LHFPL5: variants seen among roughly 807,000 people sequenced by gnomAD.
LHFPL5 encodes the protein LHFPL tetraspan subfamily member 5.
A neutral mutation model predicts 18.7 loss-of-function variants in LHFPL5; 12 were observed. That is an observed-to-expected ratio of 0.64 (90% CI 0.41 to 1.04). The LOEUF (loss-of-function observed/expected upper bound fraction) is 1.04. Among genes scored for constraint, LHFPL5 ranks in the 50% least tolerant of loss-of-function variants. The pLI, the probability that LHFPL5 is intolerant of heterozygous loss-of-function variation, is 0.00. For missense variants in LHFPL5, 259 were observed against 292.1 expected, an observed-to-expected ratio of 0.89 and a Z score of 0.83; for synonymous variants, 111 against 120.2, an observed-to-expected ratio of 0.92 and a Z score of 0.50.
In LHFPL5 at chr6:35,809,651, A is replaced by G. The variant is rs557944393; in HGVS notation, c.412+3569A>G. ...CCCGAGTAGCTGGGACTACAGGTGCATGCCAGCACACCCAGCCAATTTTTG... is the reference window on the plus strand; with the variant it reads ...CCCGAGTAGCTGGGACTACAGGTGCGTGCCAGCACACCCAGCCAATTTTTG... On this transcript the variant is annotated intron_variant, in intron 1 of 3. Coordinates refer to ENST00000360215, the MANE Select transcript of LHFPL5 (RefSeq NM_182548.4). Among the ~76,000 whole-genome samples, 32 of 152,190 alleles carry G rather than the reference A, an allele frequency of 2.1e-4. 1 individual carries two copies. Among genetic ancestry groups the G allele is most frequent in the African/African-American group, 7.7e-4 (32 of 41,544 alleles).
rs773993522 is a variant in LHFPL5 at position 35,805,996 on chromosome 6, T to C, written c.326T>C (p.Ile109Thr). 6.2e-7 allele frequency: 1 copy of C among 1,614,244 alleles called. No individual in the cohort carries two copies. The highest frequency in any genetic ancestry group is 1.3e-5 in the African/African-American group (1 of 75,076). Reference sequence around the variant, plus strand: ...GTGGCCTTGGGCATGTTCCTCATCATTGGCTCCATCATCTGCTTCAGCCTG... The same window carrying C: ...GTGGCCTTGGGCATGTTCCTCATCACTGGCTCCATCATCTGCTTCAGCCTG... ...FFVALGMFLI[I>T]GSIICFSLFF... Residue 109 changes from isoleucine to threonine, a missense_variant, in exon 1 of 4, where the codon ATT (isoleucine) becomes ACT (threonine). By Grantham distance (89) the Ile-to-Thr change is moderately conservative (BLOSUM62 -1). Coordinates refer to ENST00000360215, the MANE Select transcript of LHFPL5 (RefSeq NM_182548.4). This position sits in a 1 kb window ranked among gnomAD's most constrained non-coding sequence, Gnocchi z 4.3.
intron 2 of LHFPL5, among the ~76,000 whole-genome samples, chr6:35,815,481 G>T (rs1768743212): frequency 6.6e-6 from 1 of 152,054 alleles, no homozygotes; most frequent in African/African-American, 2.4e-5. Context: ...ATTTTTCAGA[G>T]CATAAATTTC....
At chr6:35,812,309 G>A (rs1208293182) in intron 1 of LHFPL5, among the ~76,000 whole-genome samples, 1 of 152,194 alleles carries the variant, frequency 6.6e-6, no homozygotes, top group South Asian at 2.1e-4. Flanking sequence ...GGCCTGAAGA[G>A]GTGCTTTTCT....
intron 1 of LHFPL5, among the ~76,000 whole-genome samples, chr6:35,807,262 A>T (rs3045827): frequency 2.1e-5 from 3 of 140,062 alleles, no homozygotes; most frequent in African/African-American, 8.8e-5. Flanking sequence ...CTGTCTCTAA[A>T]AATAATAATA....
chr6:35,807,843 T>A (rs1030925177), intron 1 of LHFPL5, among the ~76,000 whole-genome samples: 8 of 152,224 alleles, frequency 5.3e-5, no homozygotes, highest in Non-Finnish European at 1.2e-4. Context: ...CTGAGCCACA[T>A]ATTTACATAA....
chr6:35,811,720 G>A (rs1768666863), intron 1 of LHFPL5, among the ~76,000 whole-genome samples: 1 of 152,250 alleles, frequency 6.6e-6, no homozygotes, highest in Non-Finnish European at 1.5e-5. Context: ...TGCCCATGAA[G>A]CCAGGGGCCC....
At position 35,823,426 on chromosome 6, in the gene LHFPL5, T is replaced by TATATACACAC. The variant is rs886061353; in HGVS notation, c.*462_*463insTATACACACA. 5.1e-5 allele frequency: 3 copies of TATATACACAC among 59,324 alleles called. No individual in the cohort carries two copies. Among genetic ancestry groups the TATATACACAC allele is most frequent in the African/African-American group, 1.9e-4 (3 of 15,516 alleles). The allele number at this position is 59,324 out of a possible 1,614,324, so 3.7% of individuals were successfully genotyped here. A position where few individuals can be genotyped will look rare whatever the true frequency, so the allele number is the denominator to read the frequency against. ...ACACACACACACACACACACACACA[T>TATATACACAC]ACATACACACACACATATATATACA... On this transcript the variant is annotated 3_prime_UTR_variant, in exon 4 of 4. Transcript: ENST00000360215.
At chr6:35,808,055 C>T (rs984257384) in intron 1 of LHFPL5, among the ~76,000 whole-genome samples, 1 of 152,050 alleles carries the variant, frequency 6.6e-6, no homozygotes, top group South Asian at 2.1e-4. Context: ...CCCAGCAAAT[C>T]CCCTTGCCAC....
At chr6:35,817,281 C>T (rs1326666191) in intron 2 of LHFPL5, among the ~76,000 whole-genome samples, 4 of 151,260 alleles carry the variant, frequency 2.6e-5, no homozygotes, top group Non-Finnish European at 1.5e-5. Flanking sequence ...AGACTGTGCC[C>T]CTGCACTCTA....
At chr6:35,807,244 G>A (rs1247236941) in intron 1 of LHFPL5, among the ~76,000 whole-genome samples, 19 of 148,336 alleles carry the variant, frequency 1.3e-4, no homozygotes, top group Non-Finnish European at 4.4e-5. Flanking sequence ...GGGCAAGATG[G>A]AAAGACCCTG....
At chr6:35,818,440 C>T (rs183505947) in intron 2 of LHFPL5, among the ~76,000 whole-genome samples, 28 of 146,598 alleles carry the variant, frequency 1.9e-4, no homozygotes, top group African/African-American at 6.6e-4. Flanking sequence ...CTCACTGCAA[C>T]CTTCACCTCC....
chr6:35,812,536 G>T (rs148678152), intron 1 of LHFPL5, among the ~76,000 whole-genome samples: 21 of 152,244 alleles, frequency 1.4e-4, no homozygotes, highest in Admixed American at 1.4e-3. Flanking sequence ...AGAAGTGGGG[G>T]GAAAGTGGGG....
At chr6:35,822,049 T>A (rs1246736295) in intron 3 of LHFPL5, among the ~76,000 whole-genome samples, 1 of 151,688 alleles carries the variant, frequency 6.6e-6, no homozygotes, top group Admixed American at 6.6e-5. Context: ...ATAATAATTT[T>A]GTTTTTTTTG....
At chr6:35,821,449 TTGTGTG>T (rs34049571) in intron 3 of LHFPL5, among the ~76,000 whole-genome samples, 4,127 of 120,362 alleles carry the variant, frequency 0.034, 78 homozygotes, top group African/African-American at 0.058. Flanking sequence ...AGCATAATCT[TTGTGTG>T]TGTGTGTGTG....
chr6:35,819,562 G>C, intron 3 of LHFPL5, 99 bp downstream of exon 3: 1 of 1,112,872 alleles, frequency 9.0e-7, no homozygotes, highest in Non-Finnish European at 1.3e-6. Flanking sequence ...CCAGGGGCTG[G>C]GCTGTAAGGC....
chr6:35,808,579 A>G (rs1768612964), intron 1 of LHFPL5, among the ~76,000 whole-genome samples: 2 of 113,596 alleles, frequency 1.8e-5, no homozygotes, highest in Non-Finnish European at 3.5e-5. Flanking sequence ...ATATATATAT[A>G]TATATATATA....
At chr6:35,811,283 A>G (rs1484385035) in intron 1 of LHFPL5, 2 of 152,242 alleles carry the variant, frequency 1.3e-5, no homozygotes, top group East Asian at 1.9e-4. Flanking sequence ...TCTGACTCCA[A>G]TGTCAATAAT....
Position 35,823,414 on chromosome 6 carries a change from CACACACACACA to C in LHFPL5, c.*450_*460del, listed in dbSNP as rs1768907794. 8.0e-6 allele frequency: 1 copy of C among 124,260 alleles called. No homozygotes were observed. The highest frequency in any genetic ancestry group is 3.2e-5 in the African/African-American group (1 of 31,218). 7.7% of individuals were successfully genotyped at this position (124,260 alleles called of 1,614,324 possible). On this transcript the variant is annotated 3_prime_UTR_variant, in exon 4 of 4. Transcript: ENST00000360215. ...ACACACACACACACACACACACACA[CACACACACACA>C]TACATACACACACACATATATATAC...
chr6:35,818,345 A>C (rs1408766910), intron 2 of LHFPL5, among the ~76,000 whole-genome samples: 2 of 5,254 alleles, frequency 3.8e-4, no homozygotes, highest in Non-Finnish European at 9.9e-4. Context: ...ATATATATAT[A>C]TATGTATTTT....
Sources: gnomAD v4.1 joint callset for allele counts (sites outside exome capture counted in the v4.1 genomes callset) on GRCh38, gnomAD v4.1.1 for gene constraint, Gnocchi (gnomAD v3.1) non-coding constraint, MANE v1.5 for transcripts, NCBI Gene and HGNC (gene_info 2026-07-23, HGNC 2026-07-21) for gene names.